The following AQP9 variants were observed in gnomAD, a reference collection of about 807,000 sequenced individuals.
AQP9 encodes aquaporin 9.
AQP9 carries 19 observed loss-of-function variants against 23.8 expected under a neutral mutation model. The observed-to-expected ratio is 0.80, with a 90% confidence interval of 0.56 to 1.17. The LOEUF (loss-of-function observed/expected upper bound fraction) is 1.17, where lower values mean the gene tolerates loss of function less well. Among genes scored for constraint, AQP9 ranks in the 50% most tolerant of loss-of-function variants. AQP9 has a pLI of 0.00. For missense variants in AQP9, 413 were observed against 362.0 expected (o/e 1.14, Z -1.14); for synonymous variants, 153 against 131.5 (o/e 1.16, Z -1.12).
At chr15:58,141,385 T>C (rs552529692) in intron 1 of AQP9, among the ~76,000 whole-genome samples, 1 of 152,344 alleles carries the variant, frequency 6.6e-6, no homozygotes, top group South Asian at 2.1e-4. Flanking sequence ...GATAACATAC[T>C]GTGTAGTCGG....
chr15:58,182,476 T>G (rs1898914960), intron 5 of AQP9, among the ~76,000 whole-genome samples: 1 of 152,200 alleles, frequency 6.6e-6, no homozygotes, highest in Non-Finnish European at 1.5e-5. Flanking sequence ...ACGTGTACCC[T>G]GGCTGATATC....
At chr15:58,171,672 G>A (rs1898624874) in intron 2 of AQP9, among the ~76,000 whole-genome samples, 1 of 152,214 alleles carries the variant, frequency 6.6e-6, no homozygotes, top group African/African-American at 2.4e-5. Flanking sequence ...CCACTGAGTG[G>A]CAGGGGCAGG....
chr15:58,162,764 G>A lies in AQP9; in HGVS notation c.112-3909G>A, dbSNP rs147119105. 1.5e-3 allele frequency among the ~76,000 whole-genome samples: 229 copies of A among 152,260 alleles called. 1 individual carries two copies. The highest frequency in any genetic ancestry group is 5.4e-3 in the African/African-American group (223 of 41,552). On this transcript the variant is annotated intron_variant, in intron 1 of 5. Transcript: ENST00000219919. Reference sequence around the variant, plus strand: ...GTAAGCCCCAGCTAAGGTATCAGAGGACAGTCAACATCAACCGTGAGATGC... The same window carrying A: ...GTAAGCCCCAGCTAAGGTATCAGAGAACAGTCAACATCAACCGTGAGATGC...
chr15:58,150,313 A>G (rs1161587710), intron 1 of AQP9: 1 of 152,626 alleles, frequency 6.6e-6, no homozygotes, highest in Non-Finnish European at 1.5e-5. Flanking sequence ...CCCTCCTACA[A>G]GTTTCAGAAT....
chr15:58,143,754 G>A (rs1042705888), intron 1 of AQP9, among the ~76,000 whole-genome samples: 3 of 151,878 alleles, frequency 2.0e-5, no homozygotes, highest in East Asian at 1.9e-4. Flanking sequence ...TGTACCCATC[G>A]CCCTCTCACT....
intron 2 of AQP9, among the ~76,000 whole-genome samples, chr15:58,168,832 C>T (rs1209686774): frequency 1.3e-5 from 2 of 152,230 alleles, no homozygotes; most frequent in African/African-American, 2.4e-5. Flanking sequence ...CCCCTATAAG[C>T]TCCCACTGAG....
rs552878049 is a variant in AQP9, at chr15:58,169,327, G to A, written c.238+2528G>A. 1.4e-4 allele frequency among the ~76,000 whole-genome samples: 22 copies of A among 152,340 alleles called. No homozygotes were observed. In the South Asian group the frequency reaches 4.3e-3, roughly 30 times the overall value. Reference sequence around the variant, plus strand: ...AAAATAGTAGCACTGGCTTGGAAAGGCAGTCCTTATCTTTCTATCTCTATT... The same window carrying A: ...AAAATAGTAGCACTGGCTTGGAAAGACAGTCCTTATCTTTCTATCTCTATT... On this transcript the variant is annotated intron_variant, in intron 2 of 5. Coordinates refer to ENST00000219919, the MANE Select transcript of AQP9 (RefSeq NM_020980.5).
intron 1 of AQP9, among the ~76,000 whole-genome samples, chr15:58,158,492 G>C (rs1383930798): frequency 6.6e-6 from 1 of 152,176 alleles, no homozygotes; most frequent in African/African-American, 2.4e-5. Context: ...TAATGGGATA[G>C]TGATAAGGGA....
intron 1 of AQP9, chr15:58,151,880 C>G (rs1237152617): frequency 6.6e-6 from 1 of 152,076 alleles, no homozygotes; most frequent in Non-Finnish European, 1.5e-5. Context: ...ACGGCTTACC[C>G]TTACCCTCAA....
At position 58,179,326 on chromosome 15, in the gene AQP9, T is replaced by G. The variant is rs745606946; in HGVS notation, c.694T>G (p.Trp232Gly). 1 of 1,613,254 alleles carries G rather than the reference T, an allele frequency of 6.2e-7. No homozygotes were observed. Among genetic ancestry groups the G allele is most frequent in the Non-Finnish European group, 8.5e-7 (1 of 1,179,626 alleles). The change falls in exon 5 of 6, where the codon TGG (tryptophan) becomes GGG (glycine). Residue 232 changes from tryptophan (W) to glycine (G), a missense_variant. Physicochemically the swap from Trp to Gly is radical, Grantham distance 184 (BLOSUM62 -2). Coordinates refer to ENST00000219919, the MANE Select transcript of AQP9 (RefSeq NM_020980.5). ...CAGACTTTTCACTGCCTTGGCAGGC[T>G]GGGGGTTTGAAGTCTTCAGGTAAGT... ...SPRLFTALAG[W>G]GFEVFRAGNN...
intron 1 of AQP9, among the ~76,000 whole-genome samples, chr15:58,156,688 C>A (rs550213957): frequency 2.0e-4 from 31 of 152,272 alleles, no homozygotes; most frequent in Non-Finnish European, 3.1e-4. Flanking sequence ...CACCTGGCAA[C>A]CTTCATTTAA....
At position 58,173,154 on chromosome 15, in the gene AQP9, C is replaced by A; in HGVS notation, c.325C>A (p.Gln109Lys). 6.2e-7 allele frequency: 1 copy of A among 1,614,116 alleles called. No homozygotes were observed. The highest frequency in any genetic ancestry group is 8.5e-7 in the Non-Finnish European group (1 of 1,180,026). The change falls in exon 3 of 6, where the codon CAG becomes AAG. Residue 109 changes from glutamine to lysine, a missense_variant. Physicochemically the swap from Gln to Lys is moderately conservative, Grantham distance 53. Coordinates refer to ENST00000219919, the MANE Select transcript of AQP9 (RefSeq NM_020980.5). ...CAAATTGCCATTTTATGTGGGAGCC[C>A]AGTTCTTGGGAGCCTTTGTGGGGGC... ...WFKLPFYVGAQFLGAFVGAAT... is the reference protein window; with the variant it reads ...WFKLPFYVGAKFLGAFVGAAT...
At chr15:58,167,036 A>G (rs1898523707) in intron 2 of AQP9, among the ~76,000 whole-genome samples, 1 of 152,230 alleles carries the variant, frequency 6.6e-6, no homozygotes, top group South Asian at 2.1e-4. Context: ...TAAATTATTC[A>G]TTCCTAAGTC....
chr15:58,155,505 A>C (rs148331689), intron 1 of AQP9: 4 of 152,184 alleles, frequency 2.6e-5, no homozygotes, highest in Non-Finnish European at 5.9e-5. Flanking sequence ...TTTGCCTTCC[A>C]TTTTATCTTA....
At chr15:58,148,542 G>A (rs1898090747) in intron 1 of AQP9, among the ~76,000 whole-genome samples, 2 of 152,214 alleles carry the variant, frequency 1.3e-5, no homozygotes, top group Admixed American at 6.5e-5. Flanking sequence ...GTTGGGCCCT[G>A]TGGGTAGAGG....
intron 4 of AQP9, among the ~76,000 whole-genome samples, chr15:58,176,823 C>T (rs966907083): frequency 3.9e-5 from 6 of 151,954 alleles, no homozygotes; most frequent in Admixed American, 1.3e-4. Context: ...GTTGGCCAGA[C>T]TGGTCTCGAA....
chr15:58,156,843 A>G (rs1002654682), intron 1 of AQP9, among the ~76,000 whole-genome samples: 2 of 152,160 alleles, frequency 1.3e-5, no homozygotes, highest in Admixed American at 1.3e-4. Flanking sequence ...TGCGTCTGCC[A>G]TACAGGATCT....
chr15:58,175,276 A>G (rs1439159893), intron 4 of AQP9, among the ~76,000 whole-genome samples: 1 of 152,250 alleles, frequency 6.6e-6, no homozygotes, highest in African/African-American at 2.4e-5. Context: ...GTTGAGATCC[A>G]GAAAAGAGTG....
At chr15:58,139,568 A>G (rs986003893) in intron 1 of AQP9, among the ~76,000 whole-genome samples, 3 of 152,252 alleles carry the variant, frequency 2.0e-5, no homozygotes, top group Non-Finnish European at 2.9e-5. Flanking sequence ...TACTCCAGGT[A>G]TAAATAATTT....
Sources: gnomAD v4.1 joint callset for allele counts (sites outside exome capture counted in the v4.1 genomes callset) on GRCh38, gnomAD v4.1.1 for gene constraint, MANE v1.5 for transcripts, NCBI Gene and HGNC (gene_info 2026-07-23, HGNC 2026-07-21) for gene names.